BCAS3: variants seen among roughly 807,000 people sequenced by gnomAD.
BCAS3 encodes the protein BCAS4/BCAS3 fusion.
Under a neutral mutation model 116.1 loss-of-function variants are expected in BCAS3, and 53 were observed. The ratio of observed to expected loss-of-function variants is 0.46; its 90% CI spans 0.37 to 0.57. The LOEUF is 0.57. Among genes scored for constraint, BCAS3 ranks in the 20% least tolerant of loss-of-function variants. The pLI, the probability that BCAS3 is intolerant of heterozygous loss-of-function variation, is 0.00. For missense variants in BCAS3, 917 were observed against 1,165.4 expected (o/e 0.79, Z 3.10); for synonymous variants, 391 against 408.2 (o/e 0.96, Z 0.51).
chr17:60,828,022 A>G (rs919463783), intron 7 of BCAS3, among the ~76,000 whole-genome samples: 4 of 152,192 alleles, frequency 2.6e-5, no homozygotes, highest in African/African-American at 9.7e-5. Flanking sequence ...TTTCAAAACA[A>G]TAGTTTTTTT....
chr17:60,922,208 C>T (rs2145150506), intron 12 of BCAS3, among the ~76,000 whole-genome samples: 1 of 152,174 alleles, frequency 6.6e-6, no homozygotes, highest in South Asian at 2.1e-4. Flanking sequence ...CTCACTGCAA[C>T]CTCCGCCTCC....
In BCAS3 at chr17:61,251,383, A is replaced by G. The variant is rs897515905; in HGVS notation, c.2426-116944A>G. On this transcript the variant is annotated intron_variant, in intron 22 of 23. Coordinates refer to ENST00000407086, the MANE Select transcript of BCAS3 (RefSeq NM_017679.5). The surrounding 1 kb of genome is among the most constrained non-coding windows in gnomAD (Gnocchi z 4.7). Reference sequence around the variant, plus strand: ...TCAGAGTTTGAGACCATCCTGGCCAATATGGCGAAACCCCGTCTCTACTAA... The same window carrying G: ...TCAGAGTTTGAGACCATCCTGGCCAGTATGGCGAAACCCCGTCTCTACTAA... Among the ~76,000 whole-genome samples the G allele has an allele frequency of 2.0e-5, 3 of 152,184 alleles. No homozygotes were observed. Among genetic ancestry groups the G allele is most frequent in the Admixed American group, 6.5e-5 (1 of 15,284 alleles).
chr17:60,816,212 T>G (rs1212248033), intron 7 of BCAS3, among the ~76,000 whole-genome samples: 1 of 152,164 alleles, frequency 6.6e-6, no homozygotes, highest in Non-Finnish European at 1.5e-5. Flanking sequence ...TACTGCCTAT[T>G]AAATTATTCT....
At chr17:60,934,673 T>C (rs2059826406) in intron 13 of BCAS3, among the ~76,000 whole-genome samples, 1 of 152,214 alleles carries the variant, frequency 6.6e-6, no homozygotes, top group Admixed American at 6.5e-5. Flanking sequence ...ACTATTCTTA[T>C]TCAGATTGGC....
Position 61,141,167 on chromosome 17 carries a change from T to A in BCAS3, c.2425+56603T>A, listed in dbSNP as rs1443263122. 6.6e-6 allele frequency among the ~76,000 whole-genome samples: 1 copy of A among 152,154 alleles called. No individual in the cohort carries two copies. The highest frequency in any genetic ancestry group is 1.5e-5 in the Non-Finnish European group (1 of 68,036). On this transcript the variant is annotated intron_variant, in intron 22 of 23. Coordinates refer to ENST00000407086, the MANE Select transcript of BCAS3 (RefSeq NM_017679.5). This position sits in a 1 kb window ranked among gnomAD's most constrained non-coding sequence, Gnocchi z 4.3. The stretch of plus-strand genomic sequence containing the variant: ...ATAAATGGTCATAAATGTTCAACAT[T>A]TACGAATTTATGTTGAAGTACATAA...
chr17:60,974,790 G>T (rs886928197), intron 14 of BCAS3, among the ~76,000 whole-genome samples: 1 of 152,088 alleles, frequency 6.6e-6, no homozygotes, highest in African/African-American at 2.4e-5. Flanking sequence ...TGAGAACTCT[G>T]ACATTTGTAT....
rs558976827 is a variant in BCAS3, at chr17:61,249,441, C to T, written c.2426-118886C>T. Among the ~76,000 whole-genome samples the T allele has an allele frequency of 1.3e-5, 2 of 152,098 alleles. No homozygotes were observed. Among genetic ancestry groups the T allele is most frequent in the Non-Finnish European group, 2.9e-5 (2 of 68,024 alleles). On this transcript the variant is annotated intron_variant, in intron 22 of 23. Coordinates refer to ENST00000407086, the MANE Select transcript of BCAS3 (RefSeq NM_017679.5). This position sits in a 1 kb window ranked among gnomAD's most constrained non-coding sequence, Gnocchi z 6.2. ...ATGAGAAAAGTTAATTTTAATCCTC[C>T]AAAGGCTTATTTGCTAGCACAAAAG...
At chr17:60,859,656 C>T (rs977872485) in intron 7 of BCAS3, among the ~76,000 whole-genome samples, 3 of 151,646 alleles carry the variant, frequency 2.0e-5, no homozygotes, top group African/African-American at 7.3e-5. Flanking sequence ...GCAACCTCCA[C>T]CTCCCAGGTT....
chr17:61,019,692 A>T lies in BCAS3; in HGVS notation c.1637+3791A>T, dbSNP rs543987845. Among the ~76,000 whole-genome samples the T allele has an allele frequency of 1.6e-4, 24 of 152,102 alleles. No homozygotes were observed. The highest frequency in any genetic ancestry group is 4.8e-4 in the African/African-American group (20 of 41,516). ...TTAAAGGCTATATTTATTTTATTAA[A>T]TTTTTTTTACTATGACAAATTCTTA... On this transcript the variant is annotated intron_variant, in intron 16 of 23. Transcript: ENST00000407086. This position sits in a 1 kb window ranked among gnomAD's most constrained non-coding sequence, Gnocchi z 5.6.
intron 22 of BCAS3, among the ~76,000 whole-genome samples, chr17:61,216,282 G>A (rs555339617): frequency 6.6e-5 from 10 of 152,202 alleles, no homozygotes; most frequent in South Asian, 4.2e-4. Context: ...GTTGATGTGC[G>A]TTTGTTTATA....
intron 5 of BCAS3, among the ~76,000 whole-genome samples, chr17:60,718,396 C>T (rs959610495): frequency 3.9e-5 from 6 of 152,090 alleles, no homozygotes; most frequent in Admixed American, 1.3e-4. Flanking sequence ...CCCCTAACTA[C>T]TTTTGCATGC....
intron 22 of BCAS3, among the ~76,000 whole-genome samples, chr17:61,293,032 G>C (rs1477719082): frequency 6.6e-6 from 1 of 152,156 alleles, no homozygotes; most frequent in Non-Finnish European, 1.5e-5. Context: ...TTTGACATAT[G>C]TATAAAATTT....
At chr17:61,210,624 G>A (rs1161951601) in intron 22 of BCAS3, among the ~76,000 whole-genome samples, 2 of 152,178 alleles carry the variant, frequency 1.3e-5, no homozygotes, top group African/African-American at 2.4e-5. Context: ...GTGACCAGGT[G>A]CTAAGAATGG....
At position 61,367,194 on chromosome 17, in the gene BCAS3, C is replaced by T. The variant is rs1034425729; in HGVS notation, c.2426-1133C>T. On this transcript the variant is annotated intron_variant, in intron 22 of 23. Coordinates refer to ENST00000407086, the MANE Select transcript of BCAS3 (RefSeq NM_017679.5). The surrounding 1 kb of genome is among the most constrained non-coding windows in gnomAD (Gnocchi z 6.2). ...TTCGTGTACTTTTAACTTTGGGAAACGTTGGCATTTGCATTTTTTCCCCAT... is the reference window on the plus strand; with the variant it reads ...TTCGTGTACTTTTAACTTTGGGAAATGTTGGCATTTGCATTTTTTCCCCAT... Among the ~76,000 whole-genome samples, 5 of 152,178 alleles carry T rather than the reference C, an allele frequency of 3.3e-5. No individual in the cohort carries two copies. The highest frequency in any genetic ancestry group is 7.2e-5 in the African/African-American group (3 of 41,442).
intron 14 of BCAS3, among the ~76,000 whole-genome samples, chr17:60,949,245 A>AATT (rs944646927): frequency 6.6e-6 from 1 of 151,732 alleles, no homozygotes; most frequent in East Asian, 2.0e-4. Context: ...TTTCTTATAC[A>AATT]ATTATTATTA....
At chr17:60,711,659 T>TAAGTAATCTAGGCATAAGTA (rs2037941594) in intron 5 of BCAS3, among the ~76,000 whole-genome samples, 1 of 152,172 alleles carries the variant, frequency 6.6e-6, no homozygotes, top group African/African-American at 2.4e-5. Context: ...TTAAGGTCTT[T>TAAGTAATCTAGGCATAAGTA]ATTTCTCCTT....
intron 7 of BCAS3, among the ~76,000 whole-genome samples, chr17:60,861,005 CT>C (rs1210026983): frequency 6.6e-6 from 1 of 151,886 alleles, no homozygotes; most frequent in Non-Finnish European, 1.5e-5. Flanking sequence ...TTTTAGAATA[CT>C]TTTTTTTCTA....
chr17:60,802,295 A>AAAATAT (rs1299403402), intron 6 of BCAS3, among the ~76,000 whole-genome samples: 73 of 127,934 alleles, frequency 5.7e-4, no homozygotes, highest in African/African-American at 2.5e-3. Context: ...AAAAAAAAAA[A>AAAATAT]ATATATATAT....
intron 22 of BCAS3, among the ~76,000 whole-genome samples, chr17:61,336,004 C>T (rs763309208): frequency 8.2e-4 from 125 of 152,370 alleles, no homozygotes; most frequent in Non-Finnish European, 1.5e-3. Flanking sequence ...AGCCCTCGCT[C>T]CCAGCCCCCT....
Sources: gnomAD v4.1 joint callset for allele counts (sites outside exome capture counted in the v4.1 genomes callset) on GRCh38, gnomAD v4.1.1 for gene constraint, Gnocchi (gnomAD v3.1) non-coding constraint, MANE v1.5 for transcripts, NCBI Gene and HGNC (gene_info 2026-07-23, HGNC 2026-07-21) for gene names.